Variants in PRXL2A observed in about 807,000 individuals in gnomAD.
The protein encoded by PRXL2A is peroxiredoxin-like 2A.
Under a neutral mutation model 25.6 loss-of-function variants are expected in PRXL2A, and 26 were observed. The observed-to-expected ratio is 1.02, with a 90% CI of 0.74 to 1.41. The LOEUF is 1.41. PRXL2A is among the 40% of genes most tolerant of loss of function. The pLI is 0.00. For missense variants in PRXL2A, 246 were observed against 273.9 expected (o/e 0.90, Z 0.72); for synonymous variants, 98 against 102.9 (o/e 0.95, Z 0.29).
chr10:80,427,778 A>G (rs1845099907), intron 5 of PRXL2A, among the ~76,000 whole-genome samples: 1 of 149,582 alleles, frequency 6.7e-6, no homozygotes, highest in Non-Finnish European at 1.5e-5. Flanking sequence ...AAAAGGGATG[A>G]GCAGCTGCAC....
chr10:80,426,824 G>C (rs1309230489), intron 4 of PRXL2A, among the ~76,000 whole-genome samples: 1 of 152,134 alleles, frequency 6.6e-6, no homozygotes, highest in African/African-American at 2.4e-5. Flanking sequence ...GACCCAGCAG[G>C]GTTCTGTTTT....
rs765837549 is a variant in PRXL2A at position 80,427,402 on chromosome 10, A to C, written c.482A>C (p.Asn161Thr). 2 of 1,614,024 alleles carry C rather than the reference A, an allele frequency of 1.2e-6. No homozygotes were observed. The highest frequency in any genetic ancestry group is 1.3e-5 in the African/African-American group (1 of 74,912). The part of the protein sequence containing the change: ...MGFIRLGVWY[N>T]FFRAWNGGFS... ...TTTATCCGTCTGGGAGTGTGGTACAACTTCTTCCGAGCCTGGAACGGAGGC... is the reference window on the plus strand; with the variant it reads ...TTTATCCGTCTGGGAGTGTGGTACACCTTCTTCCGAGCCTGGAACGGAGGC... Residue 161 changes from asparagine to threonine, a missense_variant, in exon 5 of 6, where the codon AAC becomes ACC. Asn to Thr is a moderately conservative substitution (Grantham distance 65). Transcript: ENST00000606162.
chr10:80,427,647 A>C (rs1845095756), intron 5 of PRXL2A, 151 bp downstream of exon 5: 1 of 714,814 alleles, frequency 1.4e-6, no homozygotes, highest in African/African-American at 1.8e-5. Context: ...AAGGGAAGGG[A>C]AGGCAGTTGT....
intron 1 of PRXL2A, among the ~76,000 whole-genome samples, chr10:80,413,285 A>C (rs1388464346): frequency 6.6e-6 from 1 of 152,106 alleles, no homozygotes; most frequent in Non-Finnish European, 1.5e-5. Context: ...AGTCAATAAC[A>C]AAGTGGTGGG....
At position 80,434,209 on chromosome 10, in the gene PRXL2A, T is replaced by A. The variant is rs1186445859; in HGVS notation, c.*2110T>A. ...AACATGTTTGGTTTTTTGTGAGCTCTCACCAACTTTTTTCCCCTGGGTCCT... is the reference window on the plus strand; with the variant it reads ...AACATGTTTGGTTTTTTGTGAGCTCACACCAACTTTTTTCCCCTGGGTCCT... On this transcript the variant is annotated 3_prime_UTR_variant, in exon 6 of 6. Transcript: ENST00000606162. 6.6e-6 allele frequency: 1 copy of A among 152,160 alleles called. No individual in the cohort carries two copies. Among genetic ancestry groups the A allele is most frequent in the Non-Finnish European group, 1.5e-5 (1 of 68,012 alleles). The allele number at this position is 152,160 out of a possible 1,614,324, so 9.4% of individuals were successfully genotyped here.
intron 1 of PRXL2A, among the ~76,000 whole-genome samples, chr10:80,412,876 G>T (rs1441196090): frequency 6.6e-6 from 1 of 152,130 alleles, no homozygotes; most frequent in Admixed American, 6.5e-5. Context: ...GTAATCAGGT[G>T]GGGGTGTGCT....
chr10:80,427,352 A>G lies in PRXL2A; in HGVS notation c.432A>G (p.Gln144=), dbSNP rs912517402. 1 of 1,614,082 alleles carries G rather than the reference A, an allele frequency of 6.2e-7. No individual in the cohort carries two copies. The highest frequency in any genetic ancestry group is 1.3e-5 in the African/African-American group (1 of 75,022). ...LDEKKKFYGP[Q]RRKMMFMGFI... is the part of the protein sequence containing the mutation. ...CATAGAAAAAGTTCTATGGTCCACAAAGGCGGAAGATGATGTTTATGGGAT... is the reference window on the plus strand; with the variant it reads ...CATAGAAAAAGTTCTATGGTCCACAGAGGCGGAAGATGATGTTTATGGGAT... The change falls in exon 5 of 6, where the codon CAA becomes CAG. Residue 144 remains glutamine (Q), a synonymous_variant. Transcript: ENST00000606162.
In PRXL2A at chr10:80,425,918, C is replaced by G. The variant is rs751739734; in HGVS notation, c.323C>G (p.Pro108Arg). 1.9e-6 allele frequency: 3 copies of G among 1,614,096 alleles called. No individual in the cohort carries two copies. The highest frequency in any genetic ancestry group is 2.7e-5 in the African/African-American group (2 of 74,922). The part of the protein sequence containing the change: ...LKSMLDQLGV[P>R]LYAVVKEHIR... ...AGCATGTTGGACCAGCTGGGCGTCC[C>G]CCTCTATGCAGTGGTAAAGGAGCAC... Residue 108 changes from proline to arginine, a missense_variant, in exon 4 of 6, where the codon CCC becomes CGC. Physicochemically the swap from Pro to Arg is moderately radical, Grantham distance 103 (BLOSUM62 -2). Transcript: ENST00000606162.
In PRXL2A at chr10:80,427,456, T is replaced by A; in HGVS notation, c.536T>A (p.Phe179Tyr). 1 of 1,614,148 alleles carries A rather than the reference T, an allele frequency of 6.2e-7. No individual in the cohort carries two copies. The highest frequency in any genetic ancestry group is 8.5e-7 in the Non-Finnish European group (1 of 1,180,010). Residue 179 changes from phenylalanine (F) to tyrosine (Y), a missense_variant, in exon 5 of 6, where the codon TTC becomes TAC. Transcript: ENST00000606162. ...GFSGNLEGEG[F>Y]ILGGVFVVGS... is the part of the protein sequence containing the mutation. ...TCTGGAAACCTGGAAGGAGAAGGCT[T>A]CATCCTTGGGGGAGTTTTCGTGGTG...
intron 1 of PRXL2A, among the ~76,000 whole-genome samples, chr10:80,411,735 C>T (rs994217206): frequency 2.0e-5 from 3 of 152,174 alleles, no homozygotes; most frequent in African/African-American, 4.8e-5. Context: ...CCTTTCAAGA[C>T]TTGTTCACTG....
upstream of PRXL2A, chr10:80,408,085 G>T (rs544380757): frequency 6.6e-6 from 1 of 152,004 alleles, no homozygotes; most frequent in African/African-American, 2.4e-5. Flanking sequence ...GAGGATTGAG[G>T]TTGGAAATTC....
Position 80,433,329 on chromosome 10 carries a change from C to T in PRXL2A, c.*1230C>T, listed in dbSNP as rs1845326452. The T allele has an allele frequency of 6.6e-6, 1 of 152,146 alleles. No individual in the cohort carries two copies. Among genetic ancestry groups the T allele is most frequent in the Non-Finnish European group, 1.5e-5 (1 of 68,036 alleles). 9.4% of individuals were successfully genotyped at this position (152,146 alleles called of 1,614,324 possible). On this transcript the variant is annotated 3_prime_UTR_variant, in exon 6 of 6. Transcript: ENST00000606162. ...TTTATCTTTTTTGTTTGAATTTTGT[C>T]GTGTAAGTTTGAGTGACATCATCAA...
At chr10:80,414,356 G>C (rs946676315) in intron 1 of PRXL2A, among the ~76,000 whole-genome samples, 1 of 152,050 alleles carries the variant, frequency 6.6e-6, no homozygotes, top group Non-Finnish European at 1.5e-5. Flanking sequence ...CTACTATTCT[G>C]TTTCAGAGAA....
In PRXL2A at chr10:80,434,121, G is replaced by A. The variant is rs35828718; in HGVS notation, c.*2022G>A. 21,274 of 151,824 alleles carry A rather than the reference G, an allele frequency of 0.14. 1,650 individuals carry two copies. Among genetic ancestry groups the A allele is most frequent in the South Asian group, 0.31 (1,509 of 4,800 alleles). 9.4% of individuals were successfully genotyped at this position (151,824 alleles called of 1,614,324 possible). On this transcript the variant is annotated 3_prime_UTR_variant, in exon 6 of 6. Transcript: ENST00000606162. ...GCACTCCAGCTTGGGCAACAAGAGC[G>A]AAACTCCATATCAAAAAAAAAAACC...
chr10:80,427,507 G>A lies in PRXL2A; in HGVS notation c.576+11G>A. On this transcript the variant is annotated intron_variant, in intron 5 of 5. Coordinates refer to ENST00000606162, the MANE Select transcript of PRXL2A (RefSeq NM_032333.5). ...GGATCAGGAAAGCAGGTGAGTTCTT[G>A]GTGTTTACTTGTGGTCTGTAGGTGT... 6.2e-7 allele frequency: 1 copy of A among 1,613,786 alleles called. No individual in the cohort carries two copies. Among genetic ancestry groups the A allele is most frequent in the Non-Finnish European group, 8.5e-7 (1 of 1,179,840 alleles).
intron 4 of PRXL2A, among the ~76,000 whole-genome samples, 184 bp downstream of exon 4, chr10:80,426,190 C>A (rs995577932): frequency 1.3e-5 from 2 of 152,202 alleles, no homozygotes; most frequent in Non-Finnish European, 2.9e-5. Flanking sequence ...TAAAGCTGTC[C>A]TCTCAGTTAC....
Position 80,432,142 on chromosome 10 carries a change from C to A in PRXL2A, c.*43C>A. The A allele has an allele frequency of 8.2e-7, 1 of 1,216,764 alleles. No individual in the cohort carries two copies. The highest frequency in any genetic ancestry group is 1.2e-6 in the Non-Finnish European group (1 of 832,504). 75.4% of individuals were successfully genotyped at this position (1,216,764 alleles called of 1,614,324 possible). On this transcript the variant is annotated 3_prime_UTR_variant, in exon 6 of 6. Coordinates refer to ENST00000606162, the MANE Select transcript of PRXL2A (RefSeq NM_032333.5). ...GCTCAGGGATAACCAGGGACATTCA[C>A]CTGTGTTCATGGGATGTATTGTTTC...
intron 2 of PRXL2A, among the ~76,000 whole-genome samples, chr10:80,420,980 A>G (rs1019329716): frequency 2.6e-5 from 4 of 152,238 alleles, no homozygotes; most frequent in African/African-American, 7.2e-5. Flanking sequence ...TTTAGTAATA[A>G]TTACAATCTT....
At chr10:80,416,466 G>A (rs141042373) in intron 1 of PRXL2A, among the ~76,000 whole-genome samples, 21 of 152,268 alleles carry the variant, frequency 1.4e-4, no homozygotes, top group Non-Finnish European at 2.6e-4. Flanking sequence ...CTGAGGAGGG[G>A]GTGAATCAAC....
Sources: allele counts gnomAD v4.1 joint callset (sites outside exome capture counted in the v4.1 genomes callset), GRCh38; gene constraint gnomAD v4.1.1; transcripts MANE v1.5; gene names NCBI Gene and HGNC (gene_info 2026-07-23, HGNC 2026-07-21).